PCDHGB6: variants seen among roughly 807,000 people sequenced by gnomAD.
The protein encoded by PCDHGB6 is protocadherin gamma subfamily B, 6.
A neutral mutation model predicts 59.1 loss-of-function variants in PCDHGB6; 51 were observed. That is an observed-to-expected ratio of 0.86 (90% CI 0.69 to 1.09). The LOEUF (loss-of-function observed/expected upper bound fraction) is 1.09. Ranked by LOEUF, PCDHGB6 falls within the 50% of genes least tolerant of loss-of-function variation. The pLI, the probability that PCDHGB6 is intolerant of heterozygous loss-of-function variation, is 0.00. For synonymous variants in PCDHGB6, 466 were observed against 495.1 expected (o/e 0.94, Z 0.78); for missense variants, 1,148 against 1,205.1 (o/e 0.95, Z 0.70).
chr5:141,456,835 C>T (rs1261094365), intron 1 of PCDHGB6, among the ~76,000 whole-genome samples: 3 of 152,000 alleles, frequency 2.0e-5, no homozygotes, highest in African/African-American at 4.8e-5. Flanking sequence ...TGGTAGTGGG[C>T]GCCTGTAATC....
rs2097549501 is a variant in PCDHGB6 at position 141,432,920 on chromosome 5, A to T, written c.2418+22300A>T. ...GGCGCTCAGGCTGCGGCGCTGGCAC[A>T]AGTCACGCCTGCTGCAGGCTTCAGG... On this transcript the variant is annotated intron_variant, in intron 1 of 3. Transcript: ENST00000520790. The surrounding 1 kb of genome is among the most constrained non-coding windows in gnomAD (Gnocchi z 6.0). 1 of 1,614,022 alleles carries T rather than the reference A, an allele frequency of 6.2e-7. No homozygotes were observed.
Position 141,415,740 on chromosome 5 carries a change from G to GTTTTTTTTTTTTTTT in PCDHGB6, c.2418+5138_2418+5152dup, listed in dbSNP as rs57426385. 67 of 625,038 alleles carry GTTTTTTTTTTTTTTT rather than the reference G, an allele frequency of 1.1e-4. 1 individual carries two copies. Among genetic ancestry groups the GTTTTTTTTTTTTTTT allele is most frequent in the African/African-American group, 2.5e-4 (10 of 39,932 alleles). The allele number at this position is 625,038 out of a possible 1,614,324, so 38.7% of individuals were successfully genotyped here. A position where few individuals can be genotyped will look rare whatever the true frequency, so the allele number is the denominator to read the frequency against. ...TGAGTAGAATTTGATGTTTATTAAG[G>GTTTTTTTTTTTTTTT]TTTTTTTTTTTTTTTTTTTTTTTTT... On this transcript the variant is annotated intron_variant, in intron 1 of 3. Coordinates refer to ENST00000520790, the MANE Select transcript of PCDHGB6 (RefSeq NM_018926.3).
chr5:141,500,400 G>A (rs2099799942), intron 2 of PCDHGB6, among the ~76,000 whole-genome samples: 1 of 151,666 alleles, frequency 6.6e-6, no homozygotes, highest in East Asian at 1.9e-4. Context: ...TAGTAGAGAC[G>A]GGGTTTCACC....
At position 141,476,573 on chromosome 5, in the gene PCDHGB6, C is replaced by T; in HGVS notation, c.2419-18234C>T. 6.2e-7 allele frequency: 1 copy of T among 1,614,216 alleles called. No homozygotes were observed. Among genetic ancestry groups the T allele is most frequent in the Non-Finnish European group, 8.5e-7 (1 of 1,180,038 alleles). On this transcript the variant is annotated intron_variant, in intron 1 of 3. Coordinates refer to ENST00000520790, the MANE Select transcript of PCDHGB6 (RefSeq NM_018926.3). The surrounding 1 kb of genome is among the most constrained non-coding windows in gnomAD (Gnocchi z 7.6). ...TAGCGAGGCCGTGGCTCCGGGGACG[C>T]GCTTTCCGCTCGAGAGCGCGCACGA... is the stretch of plus-strand genomic sequence containing the variant.
At chr5:141,430,115 A>G (rs930805574) in intron 1 of PCDHGB6, among the ~76,000 whole-genome samples, 1 of 152,194 alleles carries the variant, frequency 6.6e-6, no homozygotes, top group Non-Finnish European at 1.5e-5. Context: ...CATGTCAACA[A>G]CCTGGTAAAG....
intron 1 of PCDHGB6, chr5:141,416,674 G>T (rs547618174): frequency 6.6e-6 from 1 of 152,132 alleles, no homozygotes; most frequent in Non-Finnish European, 1.5e-5. Context: ...TATATGCAAC[G>T]AAGGGAAATT....
intron 1 of PCDHGB6, among the ~76,000 whole-genome samples, chr5:141,473,090 T>C (rs1426311051): frequency 3.9e-5 from 6 of 152,064 alleles, no homozygotes; most frequent in African/African-American, 1.4e-4. Context: ...TTATCCACTG[T>C]GAGTTGTATT....
In PCDHGB6 at chr5:141,490,108, C is replaced by A; in HGVS notation, c.2419-4699C>A. The A allele has an allele frequency of 6.2e-7, 1 of 1,614,244 alleles. No homozygotes were observed. The highest frequency in any genetic ancestry group is 8.5e-7 in the Non-Finnish European group (1 of 1,180,034). On this transcript the variant is annotated intron_variant, in intron 1 of 3. Transcript: ENST00000520790. This position sits in a 1 kb window ranked among gnomAD's most constrained non-coding sequence, Gnocchi z 5.4. The stretch of plus-strand genomic sequence containing the variant: ...TGGAGACCACACATCTGAGGCAGTG[C>A]GGAACCTCTTTGGCCTAGACCCTAG...
At chr5:141,455,537 A>G (rs1158681837) in intron 1 of PCDHGB6, among the ~76,000 whole-genome samples, 2 of 152,162 alleles carry the variant, frequency 1.3e-5, no homozygotes, top group Non-Finnish European at 2.9e-5. Flanking sequence ...CAGGCATATC[A>G]TTCACGTAGC....
At position 141,476,602 on chromosome 5, in the gene PCDHGB6, C is replaced by T; in HGVS notation, c.2419-18205C>T. 6.2e-7 allele frequency: 1 copy of T among 1,614,208 alleles called. No homozygotes were observed. Among genetic ancestry groups the T allele is most frequent in the Middle Eastern group, 1.6e-4 (1 of 6,062 alleles). Reference sequence around the variant, plus strand: ...TTCCGCTCGAGAGCGCGCACGATCCCGATGTGGGAAGCAACTCTTTACAAA... The same window carrying T: ...TTCCGCTCGAGAGCGCGCACGATCCTGATGTGGGAAGCAACTCTTTACAAA... On this transcript the variant is annotated intron_variant, in intron 1 of 3. Coordinates refer to ENST00000520790, the MANE Select transcript of PCDHGB6 (RefSeq NM_018926.3). The surrounding 1 kb of genome is among the most constrained non-coding windows in gnomAD (Gnocchi z 7.6).
Position 141,511,381 on chromosome 5 carries a change from G to C in PCDHGB6, c.*208G>C. 8.5e-7 allele frequency: 1 copy of C among 1,170,380 alleles called. No individual in the cohort carries two copies. Among genetic ancestry groups the C allele is most frequent in the Non-Finnish European group, 1.2e-6 (1 of 854,768 alleles). 72.5% of individuals were successfully genotyped at this position (1,170,380 alleles called of 1,614,324 possible). On this transcript the variant is annotated 3_prime_UTR_variant, in exon 4 of 4. Coordinates refer to ENST00000520790, the MANE Select transcript of PCDHGB6 (RefSeq NM_018926.3). The stretch of plus-strand genomic sequence containing the variant: ...GGGTTGAATATGCAAAAGCAGTTCC[G>C]CTGGGAACCCCCATCCAATCAACTG...
In PCDHGB6 at chr5:141,490,498, T is replaced by C. The variant is rs544031284; in HGVS notation, c.2419-4309T>C. On this transcript the variant is annotated intron_variant, in intron 1 of 3. Coordinates refer to ENST00000520790, the MANE Select transcript of PCDHGB6 (RefSeq NM_018926.3). This position sits in a 1 kb window ranked among gnomAD's most constrained non-coding sequence, Gnocchi z 5.4. ...TTTGGACCGGGAGGCCACATCCCAC[T>C]ATATCATCGAGCTGCTGGCCAGCGA... 1.2e-6 allele frequency: 2 copies of C among 1,614,132 alleles called. No individual in the cohort carries two copies. Among genetic ancestry groups the C allele is most frequent in the African/African-American group, 1.3e-5 (1 of 75,038 alleles).
chr5:141,415,177 G>C, intron 1 of PCDHGB6: 3 of 1,613,926 alleles, frequency 1.9e-6, no homozygotes, highest in Non-Finnish European at 2.5e-6. Context: ...CACCGTGGCC[G>C]TGGCCGACAG....
chr5:141,441,885 CA>C, intron 1 of PCDHGB6: 1 of 345,036 alleles, frequency 2.9e-6, no homozygotes. Context: ...ACCTGGTCAC[CA>C]AGGTGGTGGC....
intron 1 of PCDHGB6, among the ~76,000 whole-genome samples, chr5:141,463,725 C>A (rs1259646105): frequency 6.6e-6 from 1 of 152,026 alleles, no homozygotes. Flanking sequence ...GGATTACAGG[C>A]ATGAGCCACC....
Position 141,511,617 on chromosome 5 carries a change from C to T in PCDHGB6, c.*444C>T, listed in dbSNP as rs1562253545. The T allele has an allele frequency of 4.3e-6, 1 of 233,232 alleles. No homozygotes were observed. Among genetic ancestry groups the T allele is most frequent in the African/African-American group, 2.2e-5 (1 of 45,220 alleles). The allele number at this position is 233,232 out of a possible 1,614,324, so 14.4% of individuals were successfully genotyped here. A position where few individuals can be genotyped will look rare whatever the true frequency, so the allele number is the denominator to read the frequency against. Reference sequence around the variant, plus strand: ...CAAGTAACCTACAAGCCTCCTAGTTCTGAAAAGTTGGAAGGGCATCATGAC... The same window carrying T: ...CAAGTAACCTACAAGCCTCCTAGTTTTGAAAAGTTGGAAGGGCATCATGAC... On this transcript the variant is annotated 3_prime_UTR_variant, in exon 4 of 4. Coordinates refer to ENST00000520790, the MANE Select transcript of PCDHGB6 (RefSeq NM_018926.3).
At chr5:141,413,796 G>A in intron 1 of PCDHGB6, 2 of 1,613,190 alleles carry the variant, frequency 1.2e-6, no homozygotes, top group Non-Finnish European at 1.7e-6. Flanking sequence ...TAGATCGCGA[G>A]GAAGAGGCCA....
rs2099883943 is a variant in PCDHGB6, at chr5:141,511,766, G to A, written c.*593G>A. ...TGGAGGACATGATCACCATCCCCAT[G>A]GTACTGATGCTTGCTGGATTTAGGG... On this transcript the variant is annotated 3_prime_UTR_variant, in exon 4 of 4. Coordinates refer to ENST00000520790, the MANE Select transcript of PCDHGB6 (RefSeq NM_018926.3). 2 of 161,712 alleles carry A rather than the reference G, an allele frequency of 1.2e-5. No homozygotes were observed. Among genetic ancestry groups the A allele is most frequent in the Non-Finnish European group, 2.8e-5 (2 of 72,704 alleles). The allele number at this position is 161,712 out of a possible 1,614,324, so 10.0% of individuals were successfully genotyped here.
chr5:141,449,994 G>T (rs2098661673), intron 1 of PCDHGB6, among the ~76,000 whole-genome samples: 2 of 131,786 alleles, frequency 1.5e-5, no homozygotes, highest in Admixed American at 7.9e-5. Context: ...ATTGCATTTA[G>T]TTGCCATGTC....
Sources: allele counts gnomAD v4.1 joint callset (sites outside exome capture counted in the v4.1 genomes callset), GRCh38; gene constraint gnomAD v4.1.1; non-coding constraint Gnocchi (gnomAD v3.1); transcripts MANE v1.5; gene names NCBI Gene and HGNC (gene_info 2026-07-23, HGNC 2026-07-21).